The following SPNS3 variants were observed in gnomAD, a reference collection of about 807,000 sequenced individuals.
SPNS3 encodes protein spinster homolog 3.
In SPNS3, 51 loss-of-function variants were observed where a neutral mutation model predicts 54.4. The observed-to-expected ratio is 0.94, with a 90% CI of 0.75 to 1.18. The LOEUF is 1.18. Among genes scored for constraint, SPNS3 ranks in the 50% most tolerant of loss-of-function variants. SPNS3 has a pLI of 0.00. For synonymous variants in SPNS3, 309 were observed against 294.7 expected, an observed-to-expected ratio of 1.05 and a Z score of -0.50; for missense variants, 669 against 677.4, an observed-to-expected ratio of 0.99 and a Z score of 0.14.
chr17:4,485,867 C>T (rs1352893107), intron 9 of SPNS3, among the ~76,000 whole-genome samples: 1 of 152,256 alleles, frequency 6.6e-6, no homozygotes, highest in Non-Finnish European at 1.5e-5. Context: ...CATGCACCCG[C>T]TCTTCGCCCT....
intron 9 of SPNS3, among the ~76,000 whole-genome samples, chr17:4,481,542 G>A (rs1220184559): frequency 6.6e-6 from 1 of 152,166 alleles, no homozygotes; most frequent in East Asian, 1.9e-4. Flanking sequence ...GAGCTGATAG[G>A]AAAATGGGTG....
At chr17:4,460,768 T>G (rs561517826) in intron 8 of SPNS3, among the ~76,000 whole-genome samples, 1 of 152,124 alleles carries the variant, frequency 6.6e-6, no homozygotes, top group East Asian at 1.9e-4. Context: ...GTTTGTAGTA[T>G]TTTGTTGAGG....
chr17:4,446,473 C>G (rs952136394), intron 4 of SPNS3: 1 of 490,366 alleles, frequency 2.0e-6, no homozygotes, highest in Non-Finnish European at 3.7e-6. Flanking sequence ...GTGGCCCACC[C>G]AGGGAAGGGC....
intron 1 of SPNS3, among the ~76,000 whole-genome samples, chr17:4,437,045 G>A (rs996401519): frequency 6.6e-6 from 1 of 152,224 alleles, no homozygotes; most frequent in African/African-American, 2.4e-5. Flanking sequence ...CTCTGTATGT[G>A]CAAGAAAGGG....
intron 9 of SPNS3, among the ~76,000 whole-genome samples, chr17:4,480,280 A>G (rs1972116976): frequency 1.3e-5 from 2 of 152,222 alleles, no homozygotes; most frequent in Admixed American, 6.5e-5. Flanking sequence ...GACCTGCTAC[A>G]TGGCCCTGGG....
chr17:4,453,216 GC>G lies in SPNS3; in HGVS notation c.1113+13del. 2 of 1,607,956 alleles carry G rather than the reference GC, an allele frequency of 1.2e-6. No homozygotes were observed. Among genetic ancestry groups the G allele is most frequent in the Non-Finnish European group, 1.7e-6 (2 of 1,176,988 alleles). On this transcript the variant is annotated intron_variant, in intron 8 of 11. Coordinates refer to ENST00000355530, the MANE Select transcript of SPNS3 (RefSeq NM_182538.5). ...CTGCTGGCCTCCTATGTAAGTGAGA[GC>G]CTCTATGGAGGTGGGGACAGGGTTG...
chr17:4,479,626 C>A (rs1035292183), intron 9 of SPNS3, among the ~76,000 whole-genome samples: 1 of 152,246 alleles, frequency 6.6e-6, no homozygotes, highest in African/African-American at 2.4e-5. Context: ...TGCCTCCTGG[C>A]AGCCTGGCAC....
rs397837193 is a variant in SPNS3, at chr17:4,477,970, C to CTTTT, written c.1114-586_1114-583dup. ...AAAGTCTGTTTTTTTTTCACTTTTC[C>CTTTT]TTTTTTTTTTTTTTTTTTTGAGGCG... On this transcript the variant is annotated intron_variant, in intron 8 of 11. Coordinates refer to ENST00000355530, the MANE Select transcript of SPNS3 (RefSeq NM_182538.5). 1.3e-3 allele frequency among the ~76,000 whole-genome samples: 124 copies of CTTTT among 97,600 alleles called. 5 individuals are homozygous for CTTTT. The highest frequency in any genetic ancestry group is 3.2e-3 in the East Asian group (13 of 4,052). The allele number at this position is 97,600 out of a possible 152,430, so 64.0% of individuals were successfully genotyped here. A position where few individuals can be genotyped will look rare whatever the true frequency, so the allele number is the denominator to read the frequency against.
Position 4,483,984 on chromosome 17 carries a change from C to T in SPNS3, c.1180-2244C>T, listed in dbSNP as rs530640031. 1.6e-4 allele frequency among the ~76,000 whole-genome samples: 25 copies of T among 152,322 alleles called. 1 individual carries two copies. In the South Asian group the frequency reaches 4.1e-3, roughly 25 times the overall value. ...TCTCTTTGCCAGTTACTCTGCCATC[C>T]GTTTACAGGGCTAGTGATGAACTTG... On this transcript the variant is annotated intron_variant, in intron 9 of 11. Transcript: ENST00000355530. This position sits in a 1 kb window ranked among gnomAD's most constrained non-coding sequence, Gnocchi z 4.2.
intron 1 of SPNS3, among the ~76,000 whole-genome samples, chr17:4,435,330 G>C (rs910522991): frequency 2.0e-5 from 3 of 151,058 alleles, no homozygotes; most frequent in African/African-American, 4.9e-5. Context: ...GGCTGAGGCA[G>C]AGAATTGCTT....
intron 5 of SPNS3, among the ~76,000 whole-genome samples, chr17:4,447,573 G>A (rs904404789): frequency 6.6e-6 from 1 of 152,172 alleles, no homozygotes; most frequent in African/African-American, 2.4e-5. Context: ...CGGGGAGCTG[G>A]CGTGTGAAGT....
In SPNS3 at chr17:4,445,176, T is replaced by C; in HGVS notation, c.402+8T>C. Reference sequence around the variant, plus strand: ...TCCTTCATCTCCCCCCGGGTACGTGTCCATGCCCCTGTCCAGGCCCCTGAG... The same window carrying C: ...TCCTTCATCTCCCCCCGGGTACGTGCCCATGCCCCTGTCCAGGCCCCTGAG... On this transcript the variant is annotated splice_region_variant and intron_variant, in intron 3 of 11. Coordinates refer to ENST00000355530, the MANE Select transcript of SPNS3 (RefSeq NM_182538.5). 6.2e-7 allele frequency: 1 copy of C among 1,610,526 alleles called. No individual in the cohort carries two copies. The highest frequency in any genetic ancestry group is 8.5e-7 in the Non-Finnish European group (1 of 1,177,672).
rs535684696 is a variant in SPNS3, at chr17:4,458,147, C to A, written c.1113+4942C>A. Among the ~76,000 whole-genome samples, 3 of 152,242 alleles carry A rather than the reference C, an allele frequency of 2.0e-5. No homozygotes were observed. In the South Asian group the frequency reaches 6.2e-4, roughly 32 times the overall value. On this transcript the variant is annotated intron_variant, in intron 8 of 11. Transcript: ENST00000355530. The stretch of plus-strand genomic sequence containing the variant: ...CCTCTCCCAGGCCTACCCTCCTCTC[C>A]GTCCTCTCTGCCCTTCCCTGGCTCA...
intron 6 of SPNS3, 125 bp from the exon 7 acceptor site, chr17:4,449,110 T>G: frequency 8.9e-7 from 1 of 1,123,306 alleles, no homozygotes; most frequent in South Asian, 1.5e-5. Flanking sequence ...ATGCTACCTA[T>G]GGAATCTTGA....
intron 8 of SPNS3, among the ~76,000 whole-genome samples, chr17:4,458,635 T>TTTCTC (rs1971408434): frequency 6.8e-6 from 1 of 147,022 alleles, no homozygotes; most frequent in Non-Finnish European, 1.5e-5. Flanking sequence ...CTTTCTTTCT[T>TTTCTC]TCTTTCTTTC....
intron 8 of SPNS3, among the ~76,000 whole-genome samples, chr17:4,468,582 G>A (rs1158362024): frequency 3.3e-5 from 5 of 151,986 alleles, no homozygotes; most frequent in African/African-American, 7.3e-5. Flanking sequence ...GGGCGGTGGC[G>A]GCGGGGGAAG....
chr17:4,475,471 G>A (rs1310221030), intron 8 of SPNS3, among the ~76,000 whole-genome samples: 1 of 152,224 alleles, frequency 6.6e-6, no homozygotes, highest in African/African-American at 2.4e-5. Flanking sequence ...ACAGAAATCA[G>A]TGATGAGGGG....
At chr17:4,474,819 A>G (rs950889271) in intron 8 of SPNS3, among the ~76,000 whole-genome samples, 2 of 151,494 alleles carry the variant, frequency 1.3e-5, no homozygotes, top group South Asian at 4.2e-4. Flanking sequence ...AGCCTGTGCC[A>G]GGGTTTATAG....
chr17:4,445,593 T>C (rs62067392), intron 3 of SPNS3, among the ~76,000 whole-genome samples: 22,463 of 152,064 alleles, frequency 0.15, 2,032 homozygotes, highest in Non-Finnish European at 0.2. Flanking sequence ...GCCAGGCTGG[T>C]CTCGAACTCC....
Sources: allele counts gnomAD v4.1 joint callset (sites outside exome capture counted in the v4.1 genomes callset), GRCh38; gene constraint gnomAD v4.1.1; non-coding constraint Gnocchi (gnomAD v3.1); transcripts MANE v1.5; gene names NCBI Gene and HGNC (gene_info 2026-07-23, HGNC 2026-07-21).